Variants in SPEF2 observed in about 807,000 individuals in gnomAD.
SPEF2 encodes sperm flagellar and cilia associated 2.
Under a neutral mutation model 224.6 loss-of-function variants are expected in SPEF2, and 187 were observed. The observed-to-expected ratio is 0.83, with a 90% confidence interval of 0.74 to 0.94. SPEF2 has a LOEUF of 0.94. Ranked by LOEUF, SPEF2 falls within the 40% of genes least tolerant of loss-of-function variation. The pLI, the probability that SPEF2 is intolerant of heterozygous loss-of-function variation, is 0.00. For synonymous variants in SPEF2, 715 were observed against 707.3 expected (o/e 1.01, Z -0.17); for missense variants, 2,170 against 2,135.6 (o/e 1.02, Z -0.32).
At chr5:35,799,357 A>G (rs1446225558) in intron 33 of SPEF2, among the ~76,000 whole-genome samples, 1 of 152,186 alleles carries the variant, frequency 6.6e-6, no homozygotes, top group Admixed American at 6.5e-5. Flanking sequence ...TGCCAAATGC[A>G]CAAGACCCTG....
At chr5:35,662,046 G>C (rs576969713) in intron 8 of SPEF2, among the ~76,000 whole-genome samples, 5 of 152,118 alleles carry the variant, frequency 3.3e-5, no homozygotes, top group Non-Finnish European at 7.4e-5. Flanking sequence ...TCCACCTACA[G>C]TGTAAAAGTG....
At chr5:35,777,041 G>A (rs1430935124) in intron 29 of SPEF2, among the ~76,000 whole-genome samples, 1 of 152,108 alleles carries the variant, frequency 6.6e-6, no homozygotes, top group Non-Finnish European at 1.5e-5. Context: ...GGGCCTCATT[G>A]GCTTCATCTA....
intron 1 of SPEF2, among the ~76,000 whole-genome samples, 162 bp from the exon 2 acceptor site, chr5:35,628,298 C>A (rs183486169): frequency 7.2e-5 from 11 of 152,236 alleles, no homozygotes; most frequent in Admixed American, 7.2e-4. Flanking sequence ...TAAATGTCAA[C>A]CTTTTCCTTT....
At chr5:35,703,148 C>CTA (rs1491579145) in intron 16 of SPEF2, among the ~76,000 whole-genome samples, 79 of 126,940 alleles carry the variant, frequency 6.2e-4, no homozygotes, top group Admixed American at 1.2e-3. Context: ...AAGGGTCTCT[C>CTA]TATATATATA....
rs1744912503 is a variant in SPEF2 at position 35,727,749 on chromosome 5, C to T, written c.2989C>T (p.Pro997Ser). The change falls in exon 21 of 37, where the codon CCT becomes TCT. Residue 997 changes from proline (P) to serine (S), a missense_variant. Pro to Ser is a moderately conservative substitution (Grantham distance 74, BLOSUM62 -1). Coordinates refer to ENST00000356031, the MANE Select transcript of SPEF2 (RefSeq NM_024867.4). Reference sequence around the variant, plus strand: ...ACCTGCTGACTCTACAGATACATCACCTGTTGCAATAGTGCCACAGCCACC... The same window carrying T: ...ACCTGCTGACTCTACAGATACATCATCTGTTGCAATAGTGCCACAGCCACC... ...KSPADSTDTS[P>S]VAIVPQPPKP... The T allele has an allele frequency of 6.2e-7, 1 of 1,613,690 alleles. No homozygotes were observed. The highest frequency in any genetic ancestry group is 1.1e-5 in the South Asian group (1 of 91,060).
chr5:35,754,368 G>A (rs1360040716), intron 24 of SPEF2, among the ~76,000 whole-genome samples: 1 of 152,202 alleles, frequency 6.6e-6, no homozygotes, highest in African/African-American at 2.4e-5. Context: ...AAGGGCTAGA[G>A]AGTTTTTAAG....
At chr5:35,689,570 A>G (rs1300087394) in intron 10 of SPEF2, among the ~76,000 whole-genome samples, 1 of 151,988 alleles carries the variant, frequency 6.6e-6, no homozygotes, top group Non-Finnish European at 1.5e-5. Context: ...TGTATACTCA[A>G]TGTTTAGCTC....
chr5:35,672,940 C>T (rs1200788421), intron 10 of SPEF2, among the ~76,000 whole-genome samples: 2 of 152,146 alleles, frequency 1.3e-5, no homozygotes, highest in Non-Finnish European at 2.9e-5. Context: ...TGCTTATGTA[C>T]ATGTCATATG....
chr5:35,677,933 T>G lies in SPEF2; in HGVS notation c.1524+7706T>G, dbSNP rs16902395. Among the ~76,000 whole-genome samples, 1,403 of 152,334 alleles carry G rather than the reference T, an allele frequency of 9.2e-3. 26 individuals carry two copies. The highest frequency in any genetic ancestry group is 0.031 in the African/African-American group (1,295 of 41,570). On this transcript the variant is annotated intron_variant, in intron 10 of 36. Transcript: ENST00000356031. ...TTCTGAAAAATAAACCTGTCACTGC[T>G]GAGCTTTCTGAACTTCTGAATATGT... is the stretch of plus-strand genomic sequence containing the variant.
chr5:35,783,970 G>A (rs1447755276), intron 30 of SPEF2, among the ~76,000 whole-genome samples: 2 of 151,982 alleles, frequency 1.3e-5, no homozygotes, highest in South Asian at 2.1e-4. Flanking sequence ...AGCTATTTTC[G>A]CTTCTGCTGA....
chr5:35,708,072 G>C (rs1580376957), intron 18 of SPEF2, among the ~76,000 whole-genome samples: 1 of 152,072 alleles, frequency 6.6e-6, no homozygotes, highest in Non-Finnish European at 1.5e-5. Context: ...TGTATCTCCA[G>C]CAATCAGAAC....
chr5:35,690,334 G>A (rs562683500), intron 10 of SPEF2, among the ~76,000 whole-genome samples: 57 of 152,178 alleles, frequency 3.7e-4, no homozygotes, highest in Admixed American at 7.9e-4. Context: ...AGGCTAAGGG[G>A]CATTTTCCTA....
At chr5:35,696,589 G>A (rs1489200927) in intron 14 of SPEF2, among the ~76,000 whole-genome samples, 2 of 152,110 alleles carry the variant, frequency 1.3e-5, no homozygotes, top group African/African-American at 4.8e-5. Context: ...ACATTGTTTT[G>A]TACACTGTTT....
At position 35,652,493 on chromosome 5, in the gene SPEF2, A is replaced by G. The variant is rs562537127; in HGVS notation, c.792-2047A>G. 6.4e-4 allele frequency among the ~76,000 whole-genome samples: 98 copies of G among 152,312 alleles called. 1 individual carries two copies. The highest frequency in any genetic ancestry group is 2.3e-3 in the African/African-American group (97 of 41,576). On this transcript the variant is annotated intron_variant, in intron 6 of 36. Coordinates refer to ENST00000356031, the MANE Select transcript of SPEF2 (RefSeq NM_024867.4). The stretch of plus-strand genomic sequence containing the variant: ...TGGCCTTACTGAGTGCTTGGTACCT[A>G]CATAATTTGTGCTCAACTCTTCTCA...
chr5:35,791,027 T>G (rs1161558067), intron 30 of SPEF2: 2 of 152,220 alleles, frequency 1.3e-5, no homozygotes, highest in Admixed American at 1.3e-4. Context: ...GTATTGCAGC[T>G]TACAAGATTT....
chr5:35,798,480 G>A (rs1756987122), intron 33 of SPEF2, among the ~76,000 whole-genome samples: 3 of 152,046 alleles, frequency 2.0e-5, no homozygotes, highest in Admixed American at 6.6e-5. Flanking sequence ...CCTCCTCCAC[G>A]TCATTGGTCA....
chr5:35,662,731 T>G (rs1749917355), intron 8 of SPEF2, among the ~76,000 whole-genome samples: 1 of 152,208 alleles, frequency 6.6e-6, no homozygotes, highest in Admixed American at 6.5e-5. Flanking sequence ...GAAGATCTGA[T>G]GACTGGAGGT....
rs141732228 is a variant in SPEF2 at position 35,653,672 on chromosome 5, C to T, written c.792-868C>T. ...GAAAATCATAAAAAGTAAGGCCGGG[C>T]GCAGTGACTCACGCCTGTAATCCCA... On this transcript the variant is annotated intron_variant, in intron 6 of 36. Coordinates refer to ENST00000356031, the MANE Select transcript of SPEF2 (RefSeq NM_024867.4). Among the ~76,000 whole-genome samples, 244 of 152,134 alleles carry T rather than the reference C, an allele frequency of 1.6e-3. 6 individuals carry two copies. In the East Asian group the frequency reaches 0.039, roughly 24 times the overall value.
chr5:35,806,406 A>G (rs1442355010), intron 34 of SPEF2, among the ~76,000 whole-genome samples: 2 of 152,226 alleles, frequency 1.3e-5, no homozygotes, highest in Non-Finnish European at 2.9e-5. Flanking sequence ...GTGTATATCT[A>G]TATCTATATA....
Sources: allele counts gnomAD v4.1 joint callset (sites outside exome capture counted in the v4.1 genomes callset), GRCh38; gene constraint gnomAD v4.1.1; transcripts MANE v1.5; gene names NCBI Gene and HGNC (gene_info 2026-07-23, HGNC 2026-07-21).